The following TGM5 variants were observed in gnomAD, a reference collection of about 807,000 sequenced individuals.
The protein encoded by TGM5 is transglutaminase 5.
A neutral mutation model predicts 77.2 loss-of-function variants in TGM5; 69 were observed. That is an observed-to-expected ratio of 0.89 (90% CI 0.74 to 1.09). TGM5 has a LOEUF of 1.09. Among genes scored for constraint, TGM5 ranks in the 50% least tolerant of loss-of-function variants. The probability of loss-of-function intolerance (pLI) is 0.00; values close to 1 mark genes in which losing one functional copy is unlikely to be tolerated. For missense variants in TGM5, 842 were observed against 896.5 expected (o/e 0.94, Z 0.78); for synonymous variants, 346 against 351.8 (o/e 0.98, Z 0.18).
intron 5 of TGM5, 83 bp downstream of exon 5, chr15:43,253,422 TC>T: frequency 1.3e-6 from 2 of 1,582,418 alleles, no homozygotes; most frequent in Non-Finnish European, 8.6e-7. Context: ...GGTCCCTCTT[TC>T]ACCCACTGCA....
chr15:43,234,687 C>G (rs1388889868), intron 11 of TGM5, 82 bp downstream of exon 11: 1 of 1,577,512 alleles, frequency 6.3e-7, no homozygotes, highest in Non-Finnish European at 8.7e-7. Flanking sequence ...TAAGCAGGCC[C>G]AGGCTGCCCT....
At chr15:43,261,090 T>TTTTTTTTTGTTTTTTG (rs2042786247) in intron 1 of TGM5, among the ~76,000 whole-genome samples, 1 of 97,118 alleles carries the variant, frequency 1.0e-5, no homozygotes, top group African/African-American at 5.1e-5. Context: ...TTTTTTTTTT[T>TTTTTTTTTGTTTTTTG]TTTTTTTTTT....
intron 4 of TGM5, among the ~76,000 whole-genome samples, chr15:43,254,188 A>G (rs2042727807): frequency 2.0e-5 from 3 of 151,678 alleles, no homozygotes; most frequent in South Asian, 4.2e-4. Context: ...TGTGAATGCC[A>G]CTCCCTCTGA....
At position 43,239,189 on chromosome 15, in the gene TGM5, T is replaced by C; in HGVS notation, c.1079A>G (p.Asp360Gly). 1 of 1,614,090 alleles carries C rather than the reference T, an allele frequency of 6.2e-7. No homozygotes were observed. Among genetic ancestry groups the C allele is most frequent in the Non-Finnish European group, 8.5e-7 (1 of 1,180,000 alleles). ...GTTGCTCATCTCCTGAGGTGTGGCG[T>C]CCAGCACCTGCCAGCCTCCATATGC... is the stretch of plus-strand genomic sequence containing the variant. Reference protein sequence around the residue: ...PPAYGGWQVLDATPQEMSNGV... With the variant: ...PPAYGGWQVLGATPQEMSNGV... Residue 360 changes from aspartate to glycine, a missense_variant, in exon 8 of 13, where the codon GAC becomes GGC. Around this residue, in one of 2 missense-constraint regions of TGM5, gnomAD observed 815 missense variants for 844.6 expected, o/e 0.96. Coordinates refer to ENST00000220420, the MANE Select transcript of TGM5 (RefSeq NM_201631.4).
At chr15:43,249,787 G>T (rs184517313) in intron 6 of TGM5, among the ~76,000 whole-genome samples, 1 of 152,358 alleles carries the variant, frequency 6.6e-6, no homozygotes, top group East Asian at 1.9e-4. Context: ...CTAAATGGAT[G>T]TGCAAAAACT....
At chr15:43,241,136 T>C in intron 6 of TGM5, 146 bp from the exon 7 acceptor site, 4 of 1,060,452 alleles carry the variant, frequency 3.8e-6, no homozygotes, top group Non-Finnish European at 5.6e-6. Context: ...GGAATAGTGA[T>C]ATTTCCAACT....
At chr15:43,240,695 G>A (rs1273127221) in intron 7 of TGM5, among the ~76,000 whole-genome samples, 157 bp downstream of exon 7, 1 of 118,540 alleles carries the variant, frequency 8.4e-6, no homozygotes, top group African/African-American at 3.1e-5. Flanking sequence ...GAGGTGTGGG[G>A]ACAGCCTTGG....
intron 10 of TGM5, 132 bp from the exon 11 acceptor site, chr15:43,235,061 T>C: frequency 8.7e-7 from 1 of 1,148,218 alleles, no homozygotes; most frequent in Admixed American, 2.2e-5. Context: ...AGGTGGCAGC[T>C]TTTTAGATGA....
chr15:43,247,286 A>G (rs2042675500), intron 6 of TGM5, among the ~76,000 whole-genome samples: 1 of 152,162 alleles, frequency 6.6e-6, no homozygotes, highest in African/African-American at 2.4e-5. Context: ...AGCATAACAC[A>G]ATAAAAAATG....
intron 3 of TGM5, among the ~76,000 whole-genome samples, chr15:43,259,589 T>C (rs1278498686): frequency 6.6e-6 from 1 of 152,184 alleles, no homozygotes; most frequent in African/African-American, 2.4e-5. Flanking sequence ...CAAGAAAATG[T>C]TAAAGGTGAA....
At chr15:43,259,905 T>C (rs1173498469) in intron 3 of TGM5, 147 bp downstream of exon 3, 2 of 1,070,548 alleles carry the variant, frequency 1.9e-6, no homozygotes, top group Admixed American at 2.0e-5. Flanking sequence ...CCTGCCCTGA[T>C]TGGTGGTAGT....
At chr15:43,257,453 G>A (rs1242801042) in intron 3 of TGM5, among the ~76,000 whole-genome samples, 3 of 152,192 alleles carry the variant, frequency 2.0e-5, no homozygotes, top group Non-Finnish European at 4.4e-5. Flanking sequence ...GGGTTTTGAA[G>A]CCAGTTCAAA....
intron 6 of TGM5, among the ~76,000 whole-genome samples, chr15:43,252,471 C>T (rs2042711220): frequency 6.6e-6 from 1 of 152,138 alleles, no homozygotes; most frequent in Admixed American, 6.5e-5. Flanking sequence ...GTGCCTGCCA[C>T]CGTGCCCTGC....
Position 43,234,830 on chromosome 15 carries a change from C to T in TGM5, c.1814G>A (p.Ser605Asn). 6.2e-7 allele frequency: 1 copy of T among 1,614,234 alleles called. No individual in the cohort carries two copies. Among genetic ancestry groups the T allele is most frequent in the South Asian group, 1.1e-5 (1 of 91,088 alleles). Residue 605 changes from serine (S) to asparagine (N), a missense_variant, in exon 11 of 13, where the codon AGT (serine) becomes AAT (asparagine). Coordinates refer to ENST00000220420, the MANE Select transcript of TGM5 (RefSeq NM_201631.4). The stretch of plus-strand genomic sequence containing the variant: ...CTTGTTCACCAGGATTTTCTCAGGA[C>T]TGCTTTTCTCTTCACCCAGGGCACT... Reference protein sequence around the residue: ...RISALGEEKSSPEKILVNKII... With the variant: ...RISALGEEKSNPEKILVNKII...
chr15:43,251,932 G>A (rs2042706135), intron 6 of TGM5, among the ~76,000 whole-genome samples: 1 of 151,922 alleles, frequency 6.6e-6, no homozygotes, highest in South Asian at 2.1e-4. Context: ...TAACCCTCTG[G>A]CCAGAGTCAG....
intron 6 of TGM5, among the ~76,000 whole-genome samples, chr15:43,251,613 C>A (rs1419992854): frequency 7.9e-5 from 12 of 152,166 alleles, no homozygotes; most frequent in Non-Finnish European, 1.5e-4. Context: ...CTTCTGATCG[C>A]CACCCAAATC....
chr15:43,233,433 A>T, intron 12 of TGM5, 89 bp from the exon 13 acceptor site: 1 of 1,609,562 alleles, frequency 6.2e-7, no homozygotes, highest in Non-Finnish European at 8.5e-7. Flanking sequence ...AGTGGGAGGG[A>T]GTGCTTCCAC....
Position 43,233,295 on chromosome 15 carries a change from C to T in TGM5, c.2059G>A (p.Val687Ile), listed in dbSNP as rs375024044. 8.7e-6 allele frequency: 14 copies of T among 1,614,114 alleles called. No homozygotes were observed. The highest frequency in any genetic ancestry group is 1.1e-5 in the Non-Finnish European group (13 of 1,180,036). ...TGCCTTTGTCCACTCTTGAAGGGGA[C>T]GGTCTCCAGAATGATGCTTGCTTGG... The part of the protein sequence containing the change: ...QHQASIILET[V>I]PFKSGQRQIQ... The change falls in exon 13 of 13, where the codon GTC becomes ATC. Residue 687 changes from valine to isoleucine, a missense_variant. Transcript: ENST00000220420.
intron 1 of TGM5, among the ~76,000 whole-genome samples, chr15:43,261,095 T>TG (rs1566837533): frequency 1.5e-4 from 19 of 130,248 alleles, no homozygotes; most frequent in African/African-American, 3.3e-4. Context: ...TTTTTTTTTT[T>TG]TTTTTTTTTT....
Sources: gnomAD v4.1 joint callset for allele counts (sites outside exome capture counted in the v4.1 genomes callset) on GRCh38, gnomAD v4.1.1 for gene constraint, gnomAD v4.1.1 regional missense constraint, MANE v1.5 for transcripts, NCBI Gene and HGNC (gene_info 2026-07-23, HGNC 2026-07-21) for gene names.